The following TUBGCP6 variants were observed in gnomAD, a reference collection of about 807,000 sequenced individuals.
TUBGCP6 encodes the protein tubulin gamma complex component 6.
A neutral mutation model predicts 175.8 loss-of-function variants in TUBGCP6; 161 were observed. That is an observed-to-expected ratio of 0.92 (90% CI 0.81 to 1.04). TUBGCP6 has a LOEUF of 1.04. Ranked by LOEUF, TUBGCP6 falls within the 50% of genes least tolerant of loss-of-function variation. The probability of loss-of-function intolerance (pLI) is 0.00; values close to 1 mark genes in which losing one functional copy is unlikely to be tolerated. For missense variants in TUBGCP6, 2,572 were observed against 2,433.0 expected (o/e 1.06, Z -1.20); for synonymous variants, 1,173 against 1,030.5 (o/e 1.14, Z -2.65).
Position 50,227,935 on chromosome 22 carries a change from G to C in TUBGCP6, c.1384C>G (p.Leu462Val), listed in dbSNP as rs759507234. Residue 462 changes from leucine (L) to valine (V), a missense_variant, in exon 5 of 25, where the codon CTC (leucine) becomes GTC (valine). Leu to Val is a conservative substitution (Grantham distance 32). Transcript: ENST00000248846. ...PTLSLLTIGF[L>V]FKKLGRQLRY... The stretch of plus-strand genomic sequence containing the variant: ...AGCTGCCGGCCAAGTTTCTTGAAGA[G>C]AAAACCAATGGTGAGGAGGCTCAGG... The C allele has an allele frequency of 6.3e-7, 1 of 1,575,062 alleles. No individual in the cohort carries two copies. Among genetic ancestry groups the C allele is most frequent in the South Asian group, 1.2e-5 (1 of 85,860 alleles).
rs1412367931 is a variant in TUBGCP6, at chr22:50,226,770, G to A, written c.1564C>T (p.Leu522=). The change falls in exon 7 of 25, where the codon CTG becomes TTG. Residue 522 remains leucine, a synonymous_variant. Transcript: ENST00000248846. Reference sequence around the variant, plus strand: ...TCGCAGCTGGTCTTCAGCAGGGACAGCAGTACAGGGTAGTGCTCGTTGCTG... The same window carrying A: ...TCGCAGCTGGTCTTCAGCAGGGACAACAGTACAGGGTAGTGCTCGTTGCTG... ...NCSNEHYPVL[L]SLLKTSCEPY... 1.3e-6 allele frequency: 2 copies of A among 1,593,636 alleles called. No homozygotes were observed. Among genetic ancestry groups the A allele is most frequent in the African/African-American group, 1.3e-5 (1 of 74,732 alleles).
chr22:50,225,444 A>G (rs973769143), intron 10 of TUBGCP6, among the ~76,000 whole-genome samples: 4 of 152,140 alleles, frequency 2.6e-5, no homozygotes, highest in African/African-American at 9.7e-5. Context: ...GTCTGTCCAC[A>G]GCTGGCGGGC....
chr22:50,229,357 C>G (rs777768713), intron 4 of TUBGCP6, 47 bp downstream of exon 4: 2 of 1,594,178 alleles, frequency 1.3e-6, no homozygotes, highest in South Asian at 2.2e-5. Context: ...AGGTCGTGTG[C>G]ACCGTTCTCA....
At chr22:50,237,616 A>G (rs771107875) in intron 2 of TUBGCP6, among the ~76,000 whole-genome samples, 1 of 152,210 alleles carries the variant, frequency 6.6e-6, no homozygotes, top group East Asian at 1.9e-4. Flanking sequence ...GGCTGTGCTC[A>G]GCACACTGCC....
intron 5 of TUBGCP6, 82 bp from the exon 6 acceptor site, chr22:50,227,159 G>T: frequency 7.9e-7 from 1 of 1,261,440 alleles, no homozygotes; most frequent in Non-Finnish European, 1.1e-6. Flanking sequence ...AAGTCTCCAC[G>T]TATCTTTATG....
At chr22:50,242,606 C>T (rs536794326) in intron 1 of TUBGCP6, among the ~76,000 whole-genome samples, 2 of 152,212 alleles carry the variant, frequency 1.3e-5, no homozygotes, top group South Asian at 2.1e-4. Context: ...ACAATGTATC[C>T]TTTTGGCAAC....
At position 50,220,490 on chromosome 22, in the gene TUBGCP6, G is replaced by A. The variant is rs772567265; in HGVS notation, c.3869C>T (p.Thr1290Ile). 2.7e-5 allele frequency: 44 copies of A among 1,613,298 alleles called. No homozygotes were observed. The East Asian group carries it at 6.0e-4, about 22-fold the overall frequency. ...AGGGGGGCTCTGTTGGGGCCTGGGT[G>A]TGTTGGGCTCAGCTTCTGGTGAGAG... Reference protein sequence around the residue: ...GALSPEAEPNTPRPQQSPPGH... With the variant: ...GALSPEAEPNIPRPQQSPPGH... Residue 1290 changes from threonine (T) to isoleucine (I), a missense_variant, in exon 16 of 25, where the codon ACA becomes ATA. Coordinates refer to ENST00000248846, the MANE Select transcript of TUBGCP6 (RefSeq NM_020461.4).
In TUBGCP6 at chr22:50,245,019, A is replaced by C; in HGVS notation, c.-560T>G. Reference sequence around the variant, plus strand: ...GCCTCCGTCGCGTCACAGCCGCGCCAGTGTGAAGAGCACTAGGGCGGGCGC... The same window carrying C: ...GCCTCCGTCGCGTCACAGCCGCGCCCGTGTGAAGAGCACTAGGGCGGGCGC... On this transcript the variant is annotated 5_prime_UTR_variant, in exon 1 of 25. Transcript: ENST00000248846. 4.2e-6 allele frequency: 1 copy of C among 236,590 alleles called. No individual in the cohort carries two copies. The allele number at this position is 236,590 out of a possible 1,614,324, so 14.7% of individuals were successfully genotyped here.
At chr22:50,233,662 C>T (rs1369693478) in intron 2 of TUBGCP6, 136 bp from the exon 3 acceptor site, 4 of 875,400 alleles carry the variant, frequency 4.6e-6, no homozygotes, top group Non-Finnish European at 7.0e-6. Context: ...GAAACATAGC[C>T]AGGTATGAAT....
chr22:50,238,195 C>T (rs1182554528), intron 2 of TUBGCP6, among the ~76,000 whole-genome samples: 1 of 150,538 alleles, frequency 6.6e-6, no homozygotes, highest in Non-Finnish European at 1.5e-5. Flanking sequence ...TTTGGGGGAC[C>T]TAGTTTGTTT....
At position 50,218,564 on chromosome 22, in the gene TUBGCP6, G is replaced by C. The variant is rs760917326; in HGVS notation, c.4878C>G (p.Gly1626=). 2.7e-5 allele frequency: 44 copies of C among 1,613,700 alleles called. No individual in the cohort carries two copies. In the Admixed American group the frequency reaches 4.7e-4, roughly 17 times the overall value. The change falls in exon 22 of 25, where the codon GGC becomes GGG. Residue 1626 remains glycine, a synonymous_variant. Coordinates refer to ENST00000248846, the MANE Select transcript of TUBGCP6 (RefSeq NM_020461.4). The part of the protein sequence containing the change: ...ITEGCVSKYS[G]VFSFLLQLKL... ...TCAGCTGCAGCAGGAAGGAGAAGAC[G>C]CCGCTGTACTTGCTCACGCAGCCCT... is the stretch of plus-strand genomic sequence containing the variant.
At position 50,222,702 on chromosome 22, in the gene TUBGCP6, C is replaced by T. The variant is rs538832935; in HGVS notation, c.2271-110G>A. The T allele has an allele frequency of 2.3e-5, 34 of 1,468,430 alleles. 1 individual carries two copies. The Middle Eastern group carries it at 1.5e-3, about 64-fold the overall frequency. 91.0% of individuals were successfully genotyped at this position (1,468,430 alleles called of 1,614,324 possible). Reference sequence around the variant, plus strand: ...CATAACAGAGGCCCCAGTGGGCCCCCGCCCCCGTCTCCCCCTACCAGGGGC... The same window carrying T: ...CATAACAGAGGCCCCAGTGGGCCCCTGCCCCCGTCTCCCCCTACCAGGGGC... On this transcript the variant is annotated intron_variant, in intron 13 of 24. Coordinates refer to ENST00000248846, the MANE Select transcript of TUBGCP6 (RefSeq NM_020461.4).
In TUBGCP6 at chr22:50,226,198, G is replaced by C. The variant is rs1391612219; in HGVS notation, c.1694-9C>G. On this transcript the variant is annotated splice_polypyrimidine_tract_variant and intron_variant, in intron 8 of 24. Coordinates refer to ENST00000248846, the MANE Select transcript of TUBGCP6 (RefSeq NM_020461.4). Reference sequence around the variant, plus strand: ...TGTCCAGTACAACTTATCTAAGGTAGGGTGAACACCACGGTGGCCGGCATG... The same window carrying C: ...TGTCCAGTACAACTTATCTAAGGTACGGTGAACACCACGGTGGCCGGCATG... 1.2e-6 allele frequency: 2 copies of C among 1,613,976 alleles called. No individual in the cohort carries two copies. Among genetic ancestry groups the C allele is most frequent in the East Asian group, 4.5e-5 (2 of 44,880 alleles).
In TUBGCP6 at chr22:50,226,983, G is replaced by C; in HGVS notation, c.1491+16C>G. The C allele has an allele frequency of 6.2e-7, 1 of 1,609,984 alleles. No homozygotes were observed. The highest frequency in any genetic ancestry group is 1.1e-5 in the South Asian group (1 of 90,360). ...GCCCACCAGGCTGACACACTCGGCAGGGACGCACAACTCACGGTGGGAAAC... is the reference window on the plus strand; with the variant it reads ...GCCCACCAGGCTGACACACTCGGCACGGACGCACAACTCACGGTGGGAAAC... On this transcript the variant is annotated intron_variant, in intron 6 of 24. Transcript: ENST00000248846.
Position 50,226,275 on chromosome 22 carries a change from G to C in TUBGCP6, c.1693+12C>G, listed in dbSNP as rs1331497777. The C allele has an allele frequency of 1.2e-6, 2 of 1,613,896 alleles. No homozygotes were observed. The highest frequency in any genetic ancestry group is 1.7e-6 in the Non-Finnish European group (2 of 1,180,024). ...GGCACGGACCCCTGCCCCGCAATCA[G>C]CTGCCACCTACCTCGGAAGCTGAGG... On this transcript the variant is annotated intron_variant, in intron 8 of 24. Coordinates refer to ENST00000248846, the MANE Select transcript of TUBGCP6 (RefSeq NM_020461.4).
intron 2 of TUBGCP6, among the ~76,000 whole-genome samples, chr22:50,235,073 C>G (rs2064753543): frequency 6.6e-6 from 1 of 151,046 alleles, no homozygotes; most frequent in African/African-American, 2.4e-5. Flanking sequence ...AGTATCCACA[C>G]CCCTGTCCAT....
At position 50,218,999 on chromosome 22, in the gene TUBGCP6, G is replaced by C. The variant is rs531388861; in HGVS notation, c.4626+69C>G. On this transcript the variant is annotated intron_variant, in intron 20 of 24. Coordinates refer to ENST00000248846, the MANE Select transcript of TUBGCP6 (RefSeq NM_020461.4). Reference sequence around the variant, plus strand: ...GCCAGAGCAGCAGGGGGCTGTGGGCGTGCAGCCAGTCTCTCTTTTCCCACG... The same window carrying C: ...GCCAGAGCAGCAGGGGGCTGTGGGCCTGCAGCCAGTCTCTCTTTTCCCACG... 12 of 1,596,638 alleles carry C rather than the reference G, an allele frequency of 7.5e-6. No homozygotes were observed. In the Admixed American group the frequency reaches 1.5e-4, roughly 20 times the overall value.
In TUBGCP6 at chr22:50,233,648, C is replaced by G. The variant is rs557303322; in HGVS notation, c.906-122G>C. On this transcript the variant is annotated intron_variant, in intron 2 of 24. Transcript: ENST00000248846. ...TGGAAGTGATTCAAAACAATAAACT[C>G]TAAGAAACATAGCCAGGTATGAATG... 1.2e-4 allele frequency: 121 copies of G among 983,380 alleles called. 4 individuals are homozygous for G. The South Asian group carries it at 1.9e-3, about 16-fold the overall frequency. The allele number at this position is 983,380 out of a possible 1,614,324, so 60.9% of individuals were successfully genotyped here. A position where few individuals can be genotyped will look rare whatever the true frequency, so the allele number is the denominator to read the frequency against.
intron 5 of TUBGCP6, 119 bp from the exon 6 acceptor site, chr22:50,227,196 C>T: frequency 1.0e-6 from 1 of 960,204 alleles, no homozygotes; most frequent in South Asian, 1.7e-5. Context: ...ACTTTAGATG[C>T]AGGCTTTAAA....
Sources: allele counts gnomAD v4.1 joint callset (sites outside exome capture counted in the v4.1 genomes callset), GRCh38; gene constraint gnomAD v4.1.1; transcripts MANE v1.5; gene names NCBI Gene and HGNC (gene_info 2026-07-23, HGNC 2026-07-21).